ALG14: variants seen among roughly 807,000 people sequenced by gnomAD.
ALG14 encodes the protein UDP-N-acetylglucosamine transferase subunit ALG14.
A neutral mutation model predicts 22.8 loss-of-function variants in ALG14; 17 were observed. The observed-to-expected ratio is 0.75, with a 90% CI of 0.51 to 1.12. The LOEUF is 1.12. Among genes scored for constraint, ALG14 ranks in the 50% most tolerant of loss-of-function variants. ALG14 has a pLI of 0.00. For synonymous variants in ALG14, 89 were observed against 103.7 expected (o/e 0.86, Z 0.86); for missense variants, 288 against 271.8 (o/e 1.06, Z -0.42).
intron 2 of ALG14, among the ~76,000 whole-genome samples, chr1:95,054,602 C>T (rs1557650638): frequency 6.6e-6 from 1 of 152,158 alleles, no homozygotes; most frequent in African/African-American, 2.4e-5. Flanking sequence ...AGCAAATTTA[C>T]ATAAAATGGA....
At chr1:95,003,875 A>G (rs971505857) in intron 3 of ALG14, among the ~76,000 whole-genome samples, 1 of 152,236 alleles carries the variant, frequency 6.6e-6, no homozygotes, top group African/African-American at 2.4e-5. Flanking sequence ...ATTTCTAAAT[A>G]TAACATCCAT....
At chr1:94,990,450 T>C (rs1355768981) in intron 3 of ALG14, among the ~76,000 whole-genome samples, 4 of 152,172 alleles carry the variant, frequency 2.6e-5, no homozygotes, top group African/African-American at 9.7e-5. Flanking sequence ...CCAAATAAAT[T>C]CTAAACCCTC....
intron 2 of ALG14, among the ~76,000 whole-genome samples, chr1:95,059,321 C>T (rs1396816431): frequency 6.8e-6 from 1 of 147,708 alleles, no homozygotes; most frequent in African/African-American, 2.5e-5. Flanking sequence ...CATTTGAACC[C>T]TGGGCGTTGG....
At chr1:94,986,693 G>A (rs558894477) in intron 3 of ALG14, among the ~76,000 whole-genome samples, 6 of 151,134 alleles carry the variant, frequency 4.0e-5, no homozygotes, top group Non-Finnish European at 8.8e-5. Context: ...GGATGGTCTC[G>A]ATCTCTTGAC....
At chr1:95,042,202 C>T (rs1191031000) in intron 2 of ALG14, among the ~76,000 whole-genome samples, 1 of 152,146 alleles carries the variant, frequency 6.6e-6, no homozygotes, top group East Asian at 1.9e-4. Flanking sequence ...TATCTCCCTA[C>T]TCTTTTGAAG....
intron 3 of ALG14, among the ~76,000 whole-genome samples, chr1:95,022,532 G>A (rs72720244): frequency 0.079 from 11,992 of 152,270 alleles, 502 homozygotes; most frequent in African/African-American, 0.11. Context: ...AATTTACAGC[G>A]CATATATGGA....
At chr1:95,000,505 C>T (rs1673033907) in intron 3 of ALG14, among the ~76,000 whole-genome samples, 3 of 140,254 alleles carry the variant, frequency 2.1e-5, no homozygotes, top group Admixed American at 7.6e-5. Context: ...CACTATACTC[C>T]AGCCTGCGTA....
intron 3 of ALG14, among the ~76,000 whole-genome samples, chr1:95,001,933 C>T (rs1268996159): frequency 6.6e-6 from 1 of 152,156 alleles, no homozygotes; most frequent in Non-Finnish European, 1.5e-5. Flanking sequence ...TGTCCAAGGC[C>T]ACATAGCTAA....
chr1:95,003,311 C>G (rs1446798301), intron 3 of ALG14, among the ~76,000 whole-genome samples: 1 of 152,168 alleles, frequency 6.6e-6, no homozygotes, highest in East Asian at 1.9e-4. Context: ...GGGTGACATT[C>G]CTCACACTTC....
At chr1:95,062,855 G>C (rs1054967477) in intron 2 of ALG14, among the ~76,000 whole-genome samples, 4 of 152,166 alleles carry the variant, frequency 2.6e-5, no homozygotes, top group African/African-American at 9.7e-5. Flanking sequence ...TCTGCCTCTA[G>C]ATTTCTGAGG....
chr1:95,039,379 A>C (rs1674310254), intron 2 of ALG14, among the ~76,000 whole-genome samples: 1 of 152,156 alleles, frequency 6.6e-6, no homozygotes, highest in Admixed American at 6.5e-5. Flanking sequence ...ACTGAAATAC[A>C]TCAGAAGAAT....
rs1672404918 is a variant in ALG14 at position 94,976,792 on chromosome 1, T to C, written c.*6284A>G. 1.3e-5 allele frequency: 2 copies of C among 152,214 alleles called. No homozygotes were observed. The highest frequency in any genetic ancestry group is 1.3e-4 in the Admixed American group (2 of 15,284). The allele number at this position is 152,214 out of a possible 1,614,324, so 9.4% of individuals were successfully genotyped here. On this transcript the variant is annotated 3_prime_UTR_variant, in exon 4 of 4. Transcript: ENST00000370205. ...GTATGGGTGGGATCTGTGAATATCATGACATGTCATTCCTCTGATTATGTT... is the reference window on the plus strand; with the variant it reads ...GTATGGGTGGGATCTGTGAATATCACGACATGTCATTCCTCTGATTATGTT...
In ALG14 at chr1:94,975,971, C is replaced by T. The variant is rs539508614; in HGVS notation, c.*7105G>A. The T allele has an allele frequency of 4.4e-4, 63 of 144,482 alleles. No homozygotes were observed. Among genetic ancestry groups the T allele is most frequent in the African/African-American group, 1.5e-3 (58 of 38,988 alleles). 9.0% of individuals were successfully genotyped at this position (144,482 alleles called of 1,614,324 possible). A position where few individuals can be genotyped will look rare whatever the true frequency, so the allele number is the denominator to read the frequency against. On this transcript the variant is annotated 3_prime_UTR_variant, in exon 4 of 4. Coordinates refer to ENST00000370205, the MANE Select transcript of ALG14 (RefSeq NM_144988.4). ...GGCGGAGCTTGCAGTGAGCCGAGAT[C>T]GCGCCACTGCACTTCAGCCTGGGCA...
At position 95,072,839 on chromosome 1, in the gene ALG14, C is replaced by T. The variant is rs775395662; in HGVS notation, c.60G>A (p.Leu20=). Residue 20 remains leucine (L), a synonymous_variant, in exon 1 of 4, where the codon CTG becomes CTA. Transcript: ENST00000370205. ...AAGAVAVFLI[L]RIWVVLRSMD... ...TGGAACGAAGCACTACCCATATTCGCAGGATTAGGAAAACCGCCACAGCTC... is the reference window on the plus strand; with the variant it reads ...TGGAACGAAGCACTACCCATATTCGTAGGATTAGGAAAACCGCCACAGCTC... The T allele has an allele frequency of 6.2e-7, 1 of 1,614,150 alleles. No individual in the cohort carries two copies. Among genetic ancestry groups the T allele is most frequent in the Non-Finnish European group, 8.5e-7 (1 of 1,180,032 alleles).
At chr1:95,016,462 C>T (rs540528435) in intron 3 of ALG14, among the ~76,000 whole-genome samples, 2 of 152,152 alleles carry the variant, frequency 1.3e-5, no homozygotes, top group African/African-American at 4.8e-5. Flanking sequence ...AATAATATGA[C>T]TGCTCTAATA....
At chr1:95,025,022 T>C (rs1172904903) in intron 3 of ALG14, among the ~76,000 whole-genome samples, 1 of 152,232 alleles carries the variant, frequency 6.6e-6, no homozygotes, top group East Asian at 1.9e-4. Flanking sequence ...GAGGAATCAC[T>C]ATCTATGGCA....
intron 3 of ALG14, among the ~76,000 whole-genome samples, chr1:95,016,942 GGTGTGTGTGT>G (rs55962309): frequency 0.048 from 6,204 of 129,338 alleles, 161 homozygotes; most frequent in Middle Eastern, 0.056. Context: ...TTGCAAAAGG[GGTGTGTGTGT>G]GTGTGTGTGT....
At position 95,058,284 on chromosome 1, in the gene ALG14, G is replaced by GAA. The variant is rs56748968; in HGVS notation, c.288+6580_288+6581dup. Among the ~76,000 whole-genome samples, 70 of 20,504 alleles carry GAA rather than the reference G, an allele frequency of 3.4e-3. 3 individuals are homozygous for GAA. The highest frequency in any genetic ancestry group is 8.8e-3 in the East Asian group (5 of 568). The allele number at this position is 20,504 out of a possible 152,430, so 13.5% of individuals were successfully genotyped here. A position where few individuals can be genotyped will look rare whatever the true frequency, so the allele number is the denominator to read the frequency against. On this transcript the variant is annotated intron_variant, in intron 2 of 3. Coordinates refer to ENST00000370205, the MANE Select transcript of ALG14 (RefSeq NM_144988.4). Reference sequence around the variant, plus strand: ...CTGGCAACAAAGCGAGACTCCATCTGAAAAAAAAAAAAAAAAAAAAAAAAA... The same window carrying GAA: ...CTGGCAACAAAGCGAGACTCCATCTGAAAAAAAAAAAAAAAAAAAAAAAAAAA...
intron 2 of ALG14, among the ~76,000 whole-genome samples, chr1:95,061,349 CTA>C (rs965592917): frequency 1.8e-4 from 27 of 152,172 alleles, no homozygotes; most frequent in African/African-American, 6.3e-4. Context: ...ACACATTTTG[CTA>C]TAGCTGAATG....
Sources: gnomAD v4.1 joint callset for allele counts (sites outside exome capture counted in the v4.1 genomes callset) on GRCh38, gnomAD v4.1.1 for gene constraint, MANE v1.5 for transcripts, NCBI Gene and HGNC (gene_info 2026-07-23, HGNC 2026-07-21) for gene names.